Variants in KLF17 observed in about 807,000 individuals in gnomAD.
KLF17 encodes the protein KLF transcription factor 17, also known as Krueppel-like factor 17.
In KLF17, 31 loss-of-function variants were observed where a neutral mutation model predicts 34.2. The ratio of observed to expected loss-of-function variants is 0.91; its 90% CI spans 0.68 to 1.22. KLF17 has a LOEUF of 1.22. Among genes scored for constraint, KLF17 ranks in the 50% most tolerant of loss-of-function variants. The probability of loss-of-function intolerance (pLI) is 0.00; values close to 1 mark genes in which losing one functional copy is unlikely to be tolerated. For missense variants in KLF17, 478 were observed against 505.2 expected (o/e 0.95, Z 0.52); for synonymous variants, 179 against 186.7 (o/e 0.96, Z 0.34).
the KLF17 span, among the ~76,000 whole-genome samples, chr1:44,066,358 CA>C: frequency 0.13 from 18,111 of 143,746 alleles, 1,319 homozygotes; most frequent in African/African-American, 0.2. Flanking sequence ...AAAAAAACAA[CA>C]AAAAAATTAA....
chr1:44,103,376 C>T, the KLF17 span: 7 of 756,570 alleles, frequency 9.3e-6, no homozygotes, highest in Admixed American at 1.2e-4. Context: ...AGGTCTGGAT[C>T]TTCTTCACAA....
At chr1:44,100,408 T>G in the KLF17 span, among the ~76,000 whole-genome samples, 3 of 152,060 alleles carry the variant, frequency 2.0e-5, no homozygotes, top group Non-Finnish European at 4.4e-5. Flanking sequence ...TTTGTACAGT[T>G]GAGTTTTAGA....
At chr1:44,125,900 T>C (rs60829016) in intron 1 of KLF17, among the ~76,000 whole-genome samples, 1,823 of 152,210 alleles carry the variant, frequency 0.012, 73 homozygotes, top group East Asian at 0.075. Flanking sequence ...GTTGTAACAT[T>C]GGGGGTTGAG....
chr1:44,091,950 A>AACAAC, the KLF17 span, among the ~76,000 whole-genome samples: 1,760 of 110,258 alleles, frequency 0.016, 43 homozygotes, highest in Admixed American at 0.03. Flanking sequence ...CAACAACAAC[A>AACAAC]ACACACACAC....
intron 1 of KLF17, among the ~76,000 whole-genome samples, chr1:44,119,768 C>G (rs770440883): frequency 5.3e-5 from 8 of 152,280 alleles, no homozygotes; most frequent in Middle Eastern, 3.4e-3. Context: ...AGGGTGGCCC[C>G]AGGGACACCA....
chr1:44,127,692 T>TTCTTTCTTTCTTTTTCTTTC lies in KLF17; in HGVS notation c.82-1660_82-1659insCTTTCTTTCTTTTTCTTTCT, dbSNP rs753421834. ...TTTCTTTCTTTCTTTCTTTCTTTCT[T>TTCTTTCTTTCTTTTTCTTTC]TTTCTTTCTTTCTTTCTTTCTTCTC... On this transcript the variant is annotated intron_variant, in intron 1 of 3. Transcript: ENST00000372299. Among the ~76,000 whole-genome samples the TTCTTTCTTTCTTTTTCTTTC allele has an allele frequency of 2.4e-3, 213 of 90,062 alleles. 1 individual carries two copies. The highest frequency in any genetic ancestry group is 3.2e-3 in the Non-Finnish European group (158 of 48,730). 59.1% of individuals were successfully genotyped at this position (90,062 alleles called of 152,430 possible). A position where few individuals can be genotyped will look rare whatever the true frequency, so the allele number is the denominator to read the frequency against.
At chr1:44,092,700 C>T in the KLF17 span, among the ~76,000 whole-genome samples, 1 of 151,298 alleles carries the variant, frequency 6.6e-6, no homozygotes, top group East Asian at 1.9e-4. Flanking sequence ...AACTCTTAGG[C>T]TCAAGCAATC....
the KLF17 span, among the ~76,000 whole-genome samples, chr1:44,064,616 G>T: frequency 1.3e-5 from 2 of 152,162 alleles, no homozygotes; most frequent in Non-Finnish European, 2.9e-5. Context: ...CCATGATCAC[G>T]ACTGTGTTGA....
chr1:44,072,454 G>A, the KLF17 span, among the ~76,000 whole-genome samples: 1 of 152,012 alleles, frequency 6.6e-6, no homozygotes, highest in Non-Finnish European at 1.5e-5. Context: ...ACTTTGGGAG[G>A]GGTGAGAGGA....
chr1:44,055,622 G>C, the KLF17 span, among the ~76,000 whole-genome samples: 1 of 152,142 alleles, frequency 6.6e-6, no homozygotes, highest in African/African-American at 2.4e-5. Flanking sequence ...GCCACATATT[G>C]CTTCTCAGGT....
chr1:44,129,069 G>A (rs1457236958), intron 1 of KLF17, among the ~76,000 whole-genome samples: 3 of 151,920 alleles, frequency 2.0e-5, no homozygotes, highest in East Asian at 3.9e-4. Flanking sequence ...TGCTGAAGGT[G>A]TAGGTTATGG....
At chr1:44,122,316 C>T (rs1035999602) in intron 1 of KLF17, 36 of 1,599,856 alleles carry the variant, frequency 2.3e-5, no homozygotes, top group African/African-American at 4.0e-5. Context: ...AATAAAATAC[C>T]GAATGTTATT....
the KLF17 span, among the ~76,000 whole-genome samples, chr1:44,063,410 TAA>T: frequency 2.0e-5 from 3 of 152,258 alleles, no homozygotes; most frequent in Non-Finnish European, 4.4e-5. Context: ...TGCCAATCAT[TAA>T]GTGTTGTTAC....
the KLF17 span, among the ~76,000 whole-genome samples, chr1:44,102,601 C>G: frequency 9.2e-5 from 9 of 98,166 alleles, no homozygotes; most frequent in Admixed American, 2.1e-4. Context: ...CACACACACA[C>G]ACACACACAC....
At chr1:44,046,968 A>G in the KLF17 span, among the ~76,000 whole-genome samples, 1 of 143,680 alleles carries the variant, frequency 7.0e-6, no homozygotes, top group Non-Finnish European at 1.5e-5. Context: ...GGCTGCAGTG[A>G]GCCGAGCGAG....
At chr1:44,103,843 A>C in the KLF17 span, 14 of 792,086 alleles carry the variant, frequency 1.8e-5, no homozygotes, top group Middle Eastern at 6.9e-4. Flanking sequence ...CTGATGTTCC[A>C]GTTTATCTCG....
chr1:44,048,719 T>G, the KLF17 span, among the ~76,000 whole-genome samples: 51 of 152,392 alleles, frequency 3.3e-4, no homozygotes, highest in African/African-American at 1.2e-3. Flanking sequence ...ATTTTCTGTG[T>G]GTTTGACTGG....
chr1:44,080,853 T>C, the KLF17 span, among the ~76,000 whole-genome samples: 2 of 151,260 alleles, frequency 1.3e-5, no homozygotes, highest in Admixed American at 1.3e-4. Context: ...TAGCTGGGAC[T>C]ATAGGCATGT....
At chr1:44,118,518 C>T (rs1050949424), upstream of KLF17, among the ~76,000 whole-genome samples, 1 of 152,240 alleles carries the variant, frequency 6.6e-6, no homozygotes, top group Non-Finnish European at 1.5e-5. Context: ...CCAGCCTCGC[C>T]TCTCTCTCCA....
Sources: allele counts gnomAD v4.1 joint callset (sites outside exome capture counted in the v4.1 genomes callset), GRCh38; gene constraint gnomAD v4.1.1; transcripts MANE v1.5; gene names NCBI Gene and HGNC (gene_info 2026-07-23, HGNC 2026-07-21).